The following ARMH4 variants were observed in gnomAD, a reference collection of about 807,000 sequenced individuals.
The protein encoded by ARMH4 is armadillo like helical domain containing 4, also known as armadillo-like helical domain-containing protein 4.
ARMH4 carries 49 observed loss-of-function variants against 61.9 expected under a neutral mutation model. The observed-to-expected ratio is 0.79, with a 90% CI of 0.63 to 1.00. ARMH4 has a LOEUF of 1.00. ARMH4 is among the 50% of genes least tolerant of loss of function. The probability of loss-of-function intolerance (pLI) is 0.00; values close to 1 mark genes in which losing one functional copy is unlikely to be tolerated. For synonymous variants in ARMH4, 368 were observed against 341.5 expected (o/e 1.08, Z -0.85); for missense variants, 934 against 930.0 (o/e 1.00, Z -0.06).
chr14:58,094,117 G>A lies in ARMH4; in HGVS notation c.2089+2607C>T, dbSNP rs1008703110. On this transcript the variant is annotated intron_variant, in intron 5 of 7. Coordinates refer to ENST00000267485, the MANE Select transcript of ARMH4 (RefSeq NM_001001872.4). Reference sequence around the variant, plus strand: ...GGCCACGGCGGGCAGATCACCTAAGGTCAGGAGTTTGAGACCAGCCTAGCC... The same window carrying A: ...GGCCACGGCGGGCAGATCACCTAAGATCAGGAGTTTGAGACCAGCCTAGCC... Among the ~76,000 whole-genome samples the A allele has an allele frequency of 2.0e-5, 3 of 151,976 alleles. No homozygotes were observed. In the South Asian group the frequency reaches 6.2e-4, roughly 32 times the overall value.
intron 4 of ARMH4, among the ~76,000 whole-genome samples, chr14:58,130,528 C>T (rs1887057223): frequency 6.6e-6 from 1 of 152,214 alleles, no homozygotes; most frequent in African/African-American, 2.4e-5. Flanking sequence ...CTATAAATCT[C>T]TGGACATTTT....
intron 4 of ARMH4, among the ~76,000 whole-genome samples, chr14:58,122,178 C>A (rs1886745627): frequency 6.6e-6 from 1 of 152,148 alleles, no homozygotes; most frequent in Non-Finnish European, 1.5e-5. Context: ...ACAGTTCAAG[C>A]CTATCACACT....
At chr14:58,123,461 T>C (rs1180649565) in intron 4 of ARMH4, among the ~76,000 whole-genome samples, 1 of 152,050 alleles carries the variant, frequency 6.6e-6, no homozygotes, top group Non-Finnish European at 1.5e-5. Flanking sequence ...AATCATGCAA[T>C]AGCCCCTGCA....
chr14:58,132,837 AG>A (rs1162818585), intron 3 of ARMH4, among the ~76,000 whole-genome samples: 1 of 152,032 alleles, frequency 6.6e-6, no homozygotes, highest in East Asian at 1.9e-4. Context: ...CACCCGCCTC[AG>A]CCTCCCAAAG....
rs968080475 is a variant in ARMH4 at position 58,096,756 on chromosome 14, G to A, written c.2057C>T (p.Ala686Val). The change falls in exon 5 of 8, where the codon GCC becomes GTC. Residue 686 changes from alanine (A) to valine (V), a missense_variant. Ala to Val is a moderately conservative substitution (Grantham distance 64). Transcript: ENST00000267485. ...TTGATTCTGCTGTTCCCACTCGAGG[G>A]CATCTGGCACCTGGTAGGTAGCTCC... The part of the protein sequence containing the change: ...LEGATYQVPD[A>V]LEWEQQNQGL... 1 of 1,613,998 alleles carries A rather than the reference G, an allele frequency of 6.2e-7. No individual in the cohort carries two copies.
intron 4 of ARMH4, among the ~76,000 whole-genome samples, chr14:58,127,647 T>A (rs1886947315): frequency 1.3e-5 from 2 of 152,234 alleles, no homozygotes; most frequent in South Asian, 4.1e-4. Context: ...ACCAATCGGA[T>A]CAAGAATTCA....
At chr14:58,049,233 C>T (rs111650932) in intron 5 of ARMH4, among the ~76,000 whole-genome samples, 38 of 143,952 alleles carry the variant, frequency 2.6e-4, no homozygotes, top group African/African-American at 9.0e-4. Flanking sequence ...AGCAAGACTC[C>T]GTCCCAAAAA....
intron 4 of ARMH4, among the ~76,000 whole-genome samples, chr14:58,120,477 C>G (rs1301272222): frequency 6.6e-6 from 1 of 152,104 alleles, no homozygotes; most frequent in African/African-American, 2.4e-5. Flanking sequence ...TACTTAGAGT[C>G]CTTTTTTTGT....
At chr14:58,011,164 A>C (rs1168059653) in intron 6 of ARMH4, among the ~76,000 whole-genome samples, 1 of 152,178 alleles carries the variant, frequency 6.6e-6, no homozygotes, top group African/African-American at 2.4e-5. Flanking sequence ...TGAACACAAA[A>C]TAGTCTCATT....
intron 1 of ARMH4, among the ~76,000 whole-genome samples, chr14:58,143,468 G>C (rs141203390): frequency 3.9e-5 from 6 of 152,110 alleles, no homozygotes; most frequent in Non-Finnish European, 7.4e-5. Flanking sequence ...TTGTTTATTT[G>C]TATGTTTATT....
intron 5 of ARMH4, among the ~76,000 whole-genome samples, chr14:58,081,238 C>T (rs189111213): frequency 6.6e-6 from 1 of 152,176 alleles, no homozygotes; most frequent in Non-Finnish European, 1.5e-5. Context: ...CAGCATCAGT[C>T]TCTCCTGGCA....
intron 5 of ARMH4, among the ~76,000 whole-genome samples, chr14:58,031,123 T>C (rs961033265): frequency 2.6e-5 from 4 of 152,240 alleles, no homozygotes; most frequent in Admixed American, 6.5e-5. Context: ...TAAAGTGTTA[T>C]GTATTTATGA....
rs557168530 is a variant in ARMH4 at position 58,017,780 on chromosome 14, T to G, written c.2090-5630A>C. Among the ~76,000 whole-genome samples the G allele has an allele frequency of 5.7e-4, 87 of 152,278 alleles. 2 individuals are homozygous for G. Among genetic ancestry groups the G allele is most frequent in the African/African-American group, 2.0e-3 (85 of 41,576 alleles). ...TTCACAGAAATAGAGAAAAACGATC[T>G]TAAAATTTGTATGGAACCACAAAAT... On this transcript the variant is annotated intron_variant, in intron 5 of 7. Transcript: ENST00000267485.
At chr14:58,065,276 G>A (rs569931785) in intron 5 of ARMH4, among the ~76,000 whole-genome samples, 7 of 152,308 alleles carry the variant, frequency 4.6e-5, no homozygotes, top group African/African-American at 1.7e-4. Flanking sequence ...CTATCTGCAT[G>A]TGTTGCCTAT....
chr14:58,009,679 T>C (rs1425728048), intron 6 of ARMH4, among the ~76,000 whole-genome samples: 1 of 151,748 alleles, frequency 6.6e-6, no homozygotes, highest in Admixed American at 6.6e-5. Context: ...GGCATAGTGG[T>C]GCATGTCTGT....
At chr14:58,077,253 AT>A (rs1282946229) in intron 5 of ARMH4, among the ~76,000 whole-genome samples, 14 of 152,304 alleles carry the variant, frequency 9.2e-5, no homozygotes, top group African/African-American at 3.4e-4. Flanking sequence ...AGATTTAAAG[AT>A]GGTAAAGAGT....
At chr14:58,082,450 C>G (rs983959399) in intron 5 of ARMH4, among the ~76,000 whole-genome samples, 1 of 152,142 alleles carries the variant, frequency 6.6e-6, no homozygotes, top group African/African-American at 2.4e-5. Context: ...TTAGTATGCT[C>G]TTTTTCAAGC....
In ARMH4 at chr14:58,004,512, G is replaced by C. The variant is rs1566534885; in HGVS notation, c.*224C>G. 2.5e-6 allele frequency: 1 copy of C among 402,266 alleles called. No individual in the cohort carries two copies. The highest frequency in any genetic ancestry group is 4.5e-6 in the Non-Finnish European group (1 of 222,018). The allele number at this position is 402,266 out of a possible 1,614,324, so 24.9% of individuals were successfully genotyped here. On this transcript the variant is annotated 3_prime_UTR_variant, in exon 8 of 8. Transcript: ENST00000267485. ...TTATGAGTTGTAGCCCACGGTTGTG[G>C]AAAATTCACTACAGAATAAAACCAA...
intron 1 of ARMH4, among the ~76,000 whole-genome samples, chr14:58,145,647 C>T (rs1887710673): frequency 6.6e-6 from 1 of 152,238 alleles, no homozygotes; most frequent in South Asian, 2.1e-4. Flanking sequence ...TCTGCTATTG[C>T]TCCAAAAGAC....
Sources: allele counts gnomAD v4.1 joint callset (sites outside exome capture counted in the v4.1 genomes callset), GRCh38; gene constraint gnomAD v4.1.1; transcripts MANE v1.5; gene names NCBI Gene and HGNC (gene_info 2026-07-23, HGNC 2026-07-21).